The following TRDN variants were observed in gnomAD, a reference collection of about 807,000 sequenced individuals.
TRDN encodes triadin, also known as triadin in skeletal muscle.
In TRDN, 161 loss-of-function variants were observed where a neutral mutation model predicts 149.7. That is an observed-to-expected ratio of 1.08 (90% CI 0.95 to 1.23). The LOEUF is 1.23. Among genes scored for constraint, TRDN ranks in the 50% most tolerant of loss-of-function variants. TRDN has a pLI of 0.00. For synonymous variants in TRDN, 294 were observed against 250.5 expected (o/e 1.17, Z -1.64); for missense variants, 896 against 823.5 (o/e 1.09, Z -1.08).
In TRDN at chr6:123,223,980, T is replaced by C. The variant is rs1487474755; in HGVS notation, c.2014+113A>G. The C allele has an allele frequency of 4.5e-6, 4 of 890,984 alleles. 1 individual carries two copies. In the East Asian group the frequency reaches 7.7e-5, roughly 17 times the overall value. 55.2% of individuals were successfully genotyped at this position (890,984 alleles called of 1,614,324 possible). A position where few individuals can be genotyped will look rare whatever the true frequency, so the allele number is the denominator to read the frequency against. ...ATAAGCCTACCATGTAAATGTTGCC[T>C]AGAAAAGCTTAAGACTAGATCAAGA... On this transcript the variant is annotated intron_variant, in intron 39 of 40. Transcript: ENST00000334268.
At chr6:123,425,107 T>A (rs1218435959) in intron 12 of TRDN, among the ~76,000 whole-genome samples, 1 of 151,872 alleles carries the variant, frequency 6.6e-6, no homozygotes, top group Non-Finnish European at 1.5e-5. Context: ...GATTTAATAA[T>A]GAATTAAGGA....
At chr6:123,630,608 T>A (rs1292656635) in intron 1 of TRDN, among the ~76,000 whole-genome samples, 1 of 150,958 alleles carries the variant, frequency 6.6e-6, no homozygotes, top group Non-Finnish European at 1.5e-5. Context: ...GGAAAAAAAA[T>A]AAGAAACATT....
chr6:123,326,838 C>T (rs964208645), intron 23 of TRDN, among the ~76,000 whole-genome samples: 2 of 151,964 alleles, frequency 1.3e-5, no homozygotes, highest in African/African-American at 4.8e-5. Context: ...CAAGTGCTTG[C>T]TTTCATTTTA....
intron 4 of TRDN, among the ~76,000 whole-genome samples, chr6:123,544,242 TACATACACACACACAC>T: frequency 8.1e-6 from 1 of 124,032 alleles, no homozygotes; most frequent in Non-Finnish European, 1.6e-5. Flanking sequence ...TGCACATCTG[TACATACACACACACAC>T]ACACACACAC....
intron 20 of TRDN, among the ~76,000 whole-genome samples, chr6:123,353,277 T>G (rs947920956): frequency 5.3e-5 from 8 of 151,842 alleles, no homozygotes; most frequent in Non-Finnish European, 1.2e-4. Flanking sequence ...AACTGATTAT[T>G]GCTATTGCAC....
At chr6:123,634,032 A>C (rs1786156351) in intron 1 of TRDN, among the ~76,000 whole-genome samples, 1 of 152,024 alleles carries the variant, frequency 6.6e-6, no homozygotes, top group South Asian at 2.1e-4. Context: ...TAAGTGCCAC[A>C]AACTGTTTTG....
chr6:123,454,119 C>T (rs780676442), intron 10 of TRDN, among the ~76,000 whole-genome samples: 2 of 151,402 alleles, frequency 1.3e-5, no homozygotes, highest in Non-Finnish European at 1.5e-5. Context: ...ATGAACTTTG[C>T]GGACTTGGGG....
chr6:123,620,649 A>G (rs1372509289), intron 1 of TRDN, among the ~76,000 whole-genome samples: 1 of 152,112 alleles, frequency 6.6e-6, no homozygotes, highest in Non-Finnish European at 1.5e-5. Flanking sequence ...TTTCCACCTC[A>G]GTAAAACCTC....
intron 21 of TRDN, among the ~76,000 whole-genome samples, chr6:123,348,497 T>G (rs1486711843): frequency 3.3e-5 from 5 of 152,104 alleles, no homozygotes; most frequent in African/African-American, 9.7e-5. Context: ...GTATTTAAGA[T>G]AGTGAAAACC....
At chr6:123,448,947 G>T (rs1428282986) in intron 10 of TRDN, among the ~76,000 whole-genome samples, 3 of 152,100 alleles carry the variant, frequency 2.0e-5, no homozygotes, top group African/African-American at 7.2e-5. Flanking sequence ...GACGCGCTGG[G>T]TGGCTAGACC....
intron 1 of TRDN, among the ~76,000 whole-genome samples, chr6:123,584,650 C>T (rs1333813294): frequency 1.3e-5 from 2 of 152,136 alleles, no homozygotes; most frequent in Non-Finnish European, 2.9e-5. Flanking sequence ...TGGGGGCTGT[C>T]TGTGAAGCCT....
chr6:123,399,155 G>A (rs1772857201), intron 12 of TRDN, among the ~76,000 whole-genome samples: 1 of 152,094 alleles, frequency 6.6e-6, no homozygotes, highest in Non-Finnish European at 1.5e-5. Flanking sequence ...AAAAAAGAAA[G>A]AATTTGGATG....
chr6:123,248,515 C>T (rs1182710223), intron 38 of TRDN, among the ~76,000 whole-genome samples: 1 of 152,050 alleles, frequency 6.6e-6, no homozygotes, highest in East Asian at 1.9e-4. Context: ...TGAGATCACG[C>T]CACTGCACTC....
chr6:123,404,293 T>A (rs2114494070), intron 12 of TRDN, among the ~76,000 whole-genome samples: 1 of 152,308 alleles, frequency 6.6e-6, no homozygotes, highest in East Asian at 1.9e-4. Context: ...TCTGTAAACA[T>A]GGAAATATGT....
intron 2 of TRDN, among the ~76,000 whole-genome samples, chr6:123,563,331 G>C (rs1782099996): frequency 6.6e-6 from 1 of 151,988 alleles, no homozygotes; most frequent in Non-Finnish European, 1.5e-5. Flanking sequence ...TCAAATAACG[G>C]GCACTTTATA....
intron 2 of TRDN, among the ~76,000 whole-genome samples, chr6:123,559,524 A>T (rs533177793): frequency 2.2e-3 from 335 of 151,566 alleles, no homozygotes; most frequent in African/African-American, 7.0e-3. Flanking sequence ...AACCCACAAG[A>T]ATAAGATACC....
At chr6:123,414,371 T>C (rs1333566064) in intron 12 of TRDN, among the ~76,000 whole-genome samples, 1 of 152,094 alleles carries the variant, frequency 6.6e-6, no homozygotes, top group African/African-American at 2.4e-5. Context: ...ATGTGAGTTA[T>C]AGGAATTTTC....
At chr6:123,379,073 C>T (rs1453126795) in intron 16 of TRDN, among the ~76,000 whole-genome samples, 2 of 152,098 alleles carry the variant, frequency 1.3e-5, no homozygotes, top group African/African-American at 4.8e-5. Flanking sequence ...AACATACCCA[C>T]ATTTTTATCT....
intron 21 of TRDN, chr6:123,349,818 G>A: frequency 1.0e-6 from 1 of 985,300 alleles, no homozygotes; most frequent in Non-Finnish European, 1.2e-6. Flanking sequence ...CATACACAAA[G>A]AAGAGAAGAA....
Sources: gnomAD v4.1 joint callset for allele counts (sites outside exome capture counted in the v4.1 genomes callset) on GRCh38, gnomAD v4.1.1 for gene constraint, MANE v1.5 for transcripts, NCBI Gene and HGNC (gene_info 2026-07-23, HGNC 2026-07-21) for gene names.